Variants in CCDC15 observed in about 807,000 individuals in gnomAD.
The protein encoded by CCDC15 is coiled-coil domain containing 15, also known as coiled-coil domain-containing protein 15.
A neutral mutation model predicts 114.5 loss-of-function variants in CCDC15; 105 were observed. That is an observed-to-expected ratio of 0.92 (90% CI 0.78 to 1.08). The LOEUF is 1.08. Ranked by LOEUF, CCDC15 falls within the 50% of genes least tolerant of loss-of-function variation. CCDC15 has a pLI of 0.00. For synonymous variants in CCDC15, 334 were observed against 377.8 expected, an observed-to-expected ratio of 0.88 and a Z score of 1.34; for missense variants, 1,105 against 1,093.6, an observed-to-expected ratio of 1.01 and a Z score of -0.15.
chr11:124,997,352 A>T (rs1437602324), intron 11 of CCDC15, among the ~76,000 whole-genome samples: 1 of 152,192 alleles, frequency 6.6e-6, no homozygotes, highest in Non-Finnish European at 1.5e-5. Context: ...TTGCAGTGGT[A>T]CAATCATAGC....
Position 125,038,924 on chromosome 11 carries a change from T to A in CCDC15, c.2589T>A (p.Tyr863Ter). 6.2e-7 allele frequency: 1 copy of A among 1,613,020 alleles called. No individual in the cohort carries two copies. The highest frequency in any genetic ancestry group is 1.3e-5 in the African/African-American group (1 of 75,046). The change falls in exon 15 of 16, where the codon TAT becomes TAA. Residue 863 changes from tyrosine (Y) to a stop codon, truncating the protein, a stop_gained. Coordinates refer to ENST00000344762, the MANE Select transcript of CCDC15 (RefSeq NM_025004.3). LOFTEE classifies it high-confidence loss of function. Reference sequence around the variant, plus strand: ...TGATTATACTTTATTTGTACAGATATGTAGAAGCTTTACGAGCCCAAATCC... The same window carrying A: ...TGATTATACTTTATTTGTACAGATAAGTAGAAGCTTTACGAGCCCAAATCC... Reference protein sequence around the residue: ...KQQREKEYLRYVEALRAQIQE... With the variant: ...KQQREKEYLR
intron 9 of CCDC15, among the ~76,000 whole-genome samples, chr11:124,991,938 C>T (rs946900389): frequency 4.6e-5 from 7 of 152,220 alleles, no homozygotes; most frequent in Admixed American, 1.3e-4. Context: ...CCCGCCTCTT[C>T]CTCCCAAAGT....
Position 124,975,170 on chromosome 11 carries a change from G to T in CCDC15, c.591G>T (p.Val197=). The T allele has an allele frequency of 6.2e-7, 1 of 1,600,098 alleles. No individual in the cohort carries two copies. The highest frequency in any genetic ancestry group is 8.5e-7 in the Non-Finnish European group (1 of 1,174,600). ...CCGTGATTAAAAAAAAGGGATCAGT[G>T]TTTCCAGATGATGGAAGGAAAAGCT... ...FKTVIKKKGS[V]FPDDGRKSFL... is the part of the protein sequence containing the mutation. Residue 197 remains valine (V), a synonymous_variant, in exon 5 of 16, where the codon GTG becomes GTT. Transcript: ENST00000344762.
chr11:125,034,864 G>T (rs1208811452), intron 13 of CCDC15, among the ~76,000 whole-genome samples: 1 of 151,904 alleles, frequency 6.6e-6, no homozygotes, highest in Non-Finnish European at 1.5e-5. Flanking sequence ...ACCAAAATCT[G>T]TATTACTCAG....
At chr11:124,990,314 T>G (rs976956282) in intron 8 of CCDC15, among the ~76,000 whole-genome samples, 1 of 152,182 alleles carries the variant, frequency 6.6e-6, no homozygotes, top group Non-Finnish European at 1.5e-5. Flanking sequence ...ACAATTAGGA[T>G]AGTAACATCA....
chr11:124,960,554 T>C (rs1233496304), intron 4 of CCDC15, among the ~76,000 whole-genome samples: 2 of 152,194 alleles, frequency 1.3e-5, no homozygotes, highest in South Asian at 4.1e-4. Flanking sequence ...TATCTTTGTC[T>C]CATTTTTCTT....
chr11:124,971,953 A>G (rs1947889827), intron 4 of CCDC15, among the ~76,000 whole-genome samples: 1 of 151,784 alleles, frequency 6.6e-6, no homozygotes, highest in South Asian at 2.1e-4. Flanking sequence ...CACTCTTTCC[A>G]CTCCCGTCCT....
At position 124,966,571 on chromosome 11, in the gene CCDC15, A is replaced by T. The variant is rs140821551; in HGVS notation, c.516+6568A>T. Among the ~76,000 whole-genome samples, 654 of 152,162 alleles carry T rather than the reference A, an allele frequency of 4.3e-3. 12 individuals carry two copies. The East Asian group carries it at 0.071, about 17-fold the overall frequency. ...GTGATGGGTCTCCTGAATATAGCAC[A>T]CTGATGGTCTTGACTCTTTATTCAA... On this transcript the variant is annotated intron_variant, in intron 4 of 15. Transcript: ENST00000344762.
In CCDC15 at chr11:125,027,928, G is replaced by A. The variant is rs530705262; in HGVS notation, c.2412-10503G>A. 1.4e-3 allele frequency among the ~76,000 whole-genome samples: 207 copies of A among 152,204 alleles called. 1 individual carries two copies. The highest frequency in any genetic ancestry group is 1.9e-3 in the Non-Finnish European group (129 of 67,984). On this transcript the variant is annotated intron_variant, in intron 13 of 15. Coordinates refer to ENST00000344762, the MANE Select transcript of CCDC15 (RefSeq NM_025004.3). ...ATTTTTGTATAATGTGAGAGATGAG[G>A]ATCCAGTTTTATTCTTCTATGTATG...
chr11:124,966,109 T>C (rs1418136452), intron 4 of CCDC15, among the ~76,000 whole-genome samples: 1 of 152,208 alleles, frequency 6.6e-6, no homozygotes, highest in East Asian at 1.9e-4. Context: ...GAGAAGAATG[T>C]ATATTCTGTT....
chr11:125,002,063 C>T (rs1948490271), intron 11 of CCDC15, among the ~76,000 whole-genome samples: 1 of 152,130 alleles, frequency 6.6e-6, no homozygotes, highest in Non-Finnish European at 1.5e-5. Flanking sequence ...CTCACCAACA[C>T]TTGTTATTAT....
At chr11:125,019,943 G>T (rs76223672) in intron 13 of CCDC15, among the ~76,000 whole-genome samples, 3 of 14 alleles carry the variant, frequency 0.21, no homozygotes, top group African/African-American at 0.38. Flanking sequence ...TTTCTATGTG[G>T]GGGGGGGCAC....
intron 9 of CCDC15, 142 bp from the exon 10 acceptor site, chr11:124,992,438 A>G (rs1948286042): frequency 3.3e-6 from 2 of 600,276 alleles, no homozygotes; most frequent in Non-Finnish European, 5.9e-6. Flanking sequence ...AAAGTGTAAC[A>G]TCTCCCTCAT....
Position 124,977,486 on chromosome 11 carries a change from T to C in CCDC15, c.639T>C (p.Leu213=). 6.3e-7 allele frequency: 1 copy of C among 1,591,146 alleles called. No homozygotes were observed. The highest frequency in any genetic ancestry group is 8.6e-7 in the Non-Finnish European group (1 of 1,169,298). ...AGTAATTTTTTTTCCAGGAAGTGCT[T>C]TCCAGGAAACCAGCATCCACTGGGA... The part of the protein sequence containing the change: ...RKSFLTREEV[L]SRKPASTGIN... The change falls in exon 6 of 16, where the codon CTT becomes CTC. Residue 213 remains leucine (L), a synonymous_variant. Transcript: ENST00000344762.
chr11:124,964,141 A>G (rs1354310862), intron 4 of CCDC15, among the ~76,000 whole-genome samples: 1 of 152,164 alleles, frequency 6.6e-6, no homozygotes, highest in East Asian at 1.9e-4. Flanking sequence ...TTTTGGTTCC[A>G]TATGAACTTT....
At chr11:125,033,578 G>A (rs116852440) in intron 13 of CCDC15, among the ~76,000 whole-genome samples, 1,698 of 152,220 alleles carry the variant, frequency 0.011, 8 homozygotes, top group Middle Eastern at 0.02. Context: ...TATATCTTCT[G>A]GACCCTCCCA....
In CCDC15 at chr11:125,041,007, G is replaced by A. The variant is rs1026147648; in HGVS notation, c.*296G>A. On this transcript the variant is annotated 3_prime_UTR_variant, in exon 16 of 16. Transcript: ENST00000344762. ...CTCTGATCAGAAGAGCTCATGTGAAGTCTTTGAGATTCTCTTATTTATCAT... is the reference window on the plus strand; with the variant it reads ...CTCTGATCAGAAGAGCTCATGTGAAATCTTTGAGATTCTCTTATTTATCAT... 2 of 231,134 alleles carry A rather than the reference G, an allele frequency of 8.7e-6. No individual in the cohort carries two copies. The highest frequency in any genetic ancestry group is 1.7e-5 in the Non-Finnish European group (2 of 119,262). 14.3% of individuals were successfully genotyped at this position (231,134 alleles called of 1,614,324 possible). A position where few individuals can be genotyped will look rare whatever the true frequency, so the allele number is the denominator to read the frequency against.
At position 124,988,115 on chromosome 11, in the gene CCDC15, AT is replaced by A. The variant is rs1948207758; in HGVS notation, c.1893del (p.Leu632TyrfsTer16). 6.2e-7 allele frequency: 1 copy of A among 1,611,074 alleles called. No individual in the cohort carries two copies. Among genetic ancestry groups the A allele is most frequent in the African/African-American group, 1.3e-5 (1 of 74,730 alleles). On this transcript the variant is annotated frameshift_variant, in exon 8 of 16. Coordinates refer to ENST00000344762, the MANE Select transcript of CCDC15 (RefSeq NM_025004.3). LOFTEE classifies it high-confidence loss of function. ...ATTCTACCCAAATGTCAGGACCAAGATTTTCTACCAAAATATCAGGTAAAAT... is the reference window on the plus strand; with the variant it reads ...ATTCTACCCAAATGTCAGGACCAAGATTTCTACCAAAATATCAGGTAAAAT... ...QNILPKCQDQ[D>X]FLPKYQKVHF...
At chr11:124,980,622 C>T (rs1355663395) in intron 6 of CCDC15, among the ~76,000 whole-genome samples, 1 of 152,140 alleles carries the variant, frequency 6.6e-6, no homozygotes, top group East Asian at 1.9e-4. Flanking sequence ...GTAATGTCCC[C>T]TTTGTCATTT....
Sources: gnomAD v4.1 joint callset for allele counts (sites outside exome capture counted in the v4.1 genomes callset) on GRCh38, gnomAD v4.1.1 for gene constraint, MANE v1.5 for transcripts, NCBI Gene and HGNC (gene_info 2026-07-23, HGNC 2026-07-21) for gene names.